Variants in SDK1 observed in about 807,000 individuals in gnomAD.
The protein encoded by SDK1 is sidekick cell adhesion molecule 1, also known as protein sidekick-1.
Under a neutral mutation model 245.5 loss-of-function variants are expected in SDK1, and 157 were observed. The observed-to-expected ratio is 0.64, with a 90% CI of 0.56 to 0.73. The LOEUF (loss-of-function observed/expected upper bound fraction) is 0.73, where lower values mean the gene tolerates loss of function less well. Ranked by LOEUF, SDK1 falls within the 30% of genes least tolerant of loss-of-function variation. SDK1 has a pLI of 0.00. For missense variants in SDK1, 3,583 were observed against 3,002.3 expected, an observed-to-expected ratio of 1.19 and a Z score of -4.52; for synonymous variants, 1,647 against 1,278.5, an observed-to-expected ratio of 1.29 and a Z score of -6.15.
chr7:3,437,220 C>G (rs1780054297), intron 1 of SDK1, among the ~76,000 whole-genome samples: 1 of 152,062 alleles, frequency 6.6e-6, no homozygotes. Context: ...GTCTGAAAAC[C>G]TGAGTGGTAA....
At chr7:3,733,262 G>A (rs1274820787) in intron 4 of SDK1, among the ~76,000 whole-genome samples, 2 of 152,128 alleles carry the variant, frequency 1.3e-5, no homozygotes, top group African/African-American at 2.4e-5. Context: ...AATATGCATT[G>A]TCCTAAGAAC....
intron 5 of SDK1, among the ~76,000 whole-genome samples, chr7:3,935,520 A>G (rs1410795635): frequency 6.6e-6 from 1 of 152,348 alleles, no homozygotes; most frequent in South Asian, 2.1e-4. Context: ...CAGAATTCCT[A>G]CAACTCAACA....
intron 5 of SDK1, among the ~76,000 whole-genome samples, chr7:3,871,572 C>G (rs1780957404): frequency 6.6e-6 from 1 of 152,184 alleles, no homozygotes; most frequent in African/African-American, 2.4e-5. Context: ...CTCTGCTCAG[C>G]TTTTGGAGAA....
chr7:3,713,883 G>GT (rs1424947718), intron 4 of SDK1, among the ~76,000 whole-genome samples: 1 of 152,156 alleles, frequency 6.6e-6, no homozygotes, highest in Non-Finnish European at 1.5e-5. Flanking sequence ...AAAACCGAGA[G>GT]TCAGGAATCA....
chr7:3,812,378 C>T (rs372129264), intron 4 of SDK1, among the ~76,000 whole-genome samples: 160 of 152,242 alleles, frequency 1.1e-3, no homozygotes, highest in African/African-American at 3.3e-3. Flanking sequence ...TGTATCTGAA[C>T]GTATTTCAAA....
At chr7:3,469,634 C>G (rs1338728495) in intron 1 of SDK1, among the ~76,000 whole-genome samples, 3 of 152,052 alleles carry the variant, frequency 2.0e-5, no homozygotes, top group Non-Finnish European at 2.9e-5. Flanking sequence ...ATCCAATGAC[C>G]TTTGTAAAGA....
chr7:3,856,929 T>C (rs1274131420), intron 5 of SDK1, among the ~76,000 whole-genome samples: 1 of 152,010 alleles, frequency 6.6e-6, no homozygotes, highest in African/African-American at 2.4e-5. Flanking sequence ...AGGTAAACAG[T>C]GTTAAAAGGG....
rs773180178 is a variant in SDK1 at position 3,951,910 on chromosome 7, T to C, written c.1140T>C (p.Leu380=). 12 of 1,612,574 alleles carry C rather than the reference T, an allele frequency of 7.4e-6. No homozygotes were observed. The highest frequency in any genetic ancestry group is 9.3e-6 in the Non-Finnish European group (11 of 1,179,876). The change falls in exon 7 of 45, where the codon CTT becomes CTC. Residue 380 remains leucine (L), a synonymous_variant. Transcript: ENST00000404826. ...AACCGGCCAGGGCGACGGCCTTTCTTTTCATCATAGGTAATGCGGGAGCCT... is the reference window on the plus strand; with the variant it reads ...AACCGGCCAGGGCGACGGCCTTTCTCTTCATCATAGGTAATGCGGGAGCCT... The part of the protein sequence containing the change: ...AFEPARATAF[L]FIIEPPYFTA...
At chr7:3,856,502 A>AAG (rs1780549227) in intron 5 of SDK1, among the ~76,000 whole-genome samples, 1 of 132,248 alleles carries the variant, frequency 7.6e-6, no homozygotes, top group African/African-American at 2.8e-5. Flanking sequence ...AAAAAAAAAA[A>AAG]GCAGCTGGCC....
intron 35 of SDK1, among the ~76,000 whole-genome samples, chr7:4,201,707 C>T (rs13223018): frequency 0.051 from 7,814 of 151,964 alleles, 274 homozygotes; most frequent in Non-Finnish European, 0.075. Context: ...TGACAGCAGA[C>T]ACCCAGCATG....
chr7:3,394,910 CTT>C (rs750199069), intron 1 of SDK1, among the ~76,000 whole-genome samples: 1 of 151,782 alleles, frequency 6.6e-6, no homozygotes, highest in Admixed American at 6.6e-5. Flanking sequence ...TTTGTGGACT[CTT>C]TGGGGTTTTC....
chr7:3,415,285 C>T (rs1178244844), intron 1 of SDK1, among the ~76,000 whole-genome samples: 1 of 152,012 alleles, frequency 6.6e-6, no homozygotes, highest in Non-Finnish European at 1.5e-5. Context: ...ATAGGGCAGA[C>T]CTGGACACAT....
At chr7:3,325,046 T>G (rs1779908522) in intron 1 of SDK1, among the ~76,000 whole-genome samples, 1 of 152,174 alleles carries the variant, frequency 6.6e-6, no homozygotes, top group African/African-American at 2.4e-5. Flanking sequence ...ACTGCATTTA[T>G]CATCACTGTT....
At chr7:4,185,468 C>G (rs1782832972) in intron 35 of SDK1, among the ~76,000 whole-genome samples, 2 of 152,156 alleles carry the variant, frequency 1.3e-5, no homozygotes, top group Non-Finnish European at 2.9e-5. Context: ...TCCAGAGCCC[C>G]CAGGCTTCCC....
At chr7:3,911,678 G>C (rs1779169565) in intron 5 of SDK1, among the ~76,000 whole-genome samples, 1 of 152,174 alleles carries the variant, frequency 6.6e-6, no homozygotes, top group South Asian at 2.1e-4. Context: ...TACAGCCGGT[G>C]GTAGCCCAGG....
chr7:3,607,155 T>G (rs1409199754), intron 1 of SDK1, among the ~76,000 whole-genome samples: 1 of 152,170 alleles, frequency 6.6e-6, no homozygotes, highest in Non-Finnish European at 1.5e-5. Flanking sequence ...AAGGCCCTTT[T>G]TTTTTTTAGT....
At chr7:3,897,614 C>T (rs1037983376) in intron 5 of SDK1, among the ~76,000 whole-genome samples, 2 of 152,154 alleles carry the variant, frequency 1.3e-5, no homozygotes, top group Admixed American at 6.5e-5. Context: ...GACACTTGGG[C>T]TGCTCCCCCT....
At chr7:4,189,480 T>A (rs1287249339) in intron 35 of SDK1, among the ~76,000 whole-genome samples, 3 of 152,176 alleles carry the variant, frequency 2.0e-5, no homozygotes, top group African/African-American at 7.2e-5. Flanking sequence ...GAGCCGAGTG[T>A]CCAGCACTGT....
chr7:3,525,148 A>T (rs562754296), intron 1 of SDK1, among the ~76,000 whole-genome samples: 1 of 152,180 alleles, frequency 6.6e-6, no homozygotes, highest in South Asian at 2.1e-4. Flanking sequence ...TGTAAATACT[A>T]TGCCATTTCC....
Sources: allele counts gnomAD v4.1 joint callset (sites outside exome capture counted in the v4.1 genomes callset), GRCh38; gene constraint gnomAD v4.1.1; transcripts MANE v1.5; gene names NCBI Gene and HGNC (gene_info 2026-07-23, HGNC 2026-07-21).